The following ZNRF3 variants were observed in gnomAD, a reference collection of about 807,000 sequenced individuals.
ZNRF3 encodes E3 ubiquitin-protein ligase ZNRF3.
A neutral mutation model predicts 72.5 loss-of-function variants in ZNRF3; 23 were observed. The ratio of observed to expected loss-of-function variants is 0.32; its 90% CI spans 0.23 to 0.45. The LOEUF (loss-of-function observed/expected upper bound fraction) is 0.45. ZNRF3 is among the 20% of genes least tolerant of loss of function. The pLI, the probability that ZNRF3 is intolerant of heterozygous loss-of-function variation, is 1.00. For missense variants in ZNRF3, 1,169 were observed against 1,272.1 expected (o/e 0.92, Z 1.23); for synonymous variants, 610 against 545.3 (o/e 1.12, Z -1.65).
At chr22:29,031,701 C>G in intron 2 of ZNRF3, 1 of 934,046 alleles carries the variant, frequency 1.1e-6, no homozygotes, top group Non-Finnish European at 1.3e-6. Context: ...AGCCTGGGCT[C>G]TCTGGCCTGG....
intron 1 of ZNRF3, among the ~76,000 whole-genome samples, chr22:28,979,737 G>A (rs1360366112): frequency 1.3e-5 from 2 of 152,188 alleles, no homozygotes; most frequent in Non-Finnish European, 2.9e-5. Context: ...CATTTGTTCA[G>A]CCAGCAGTCA....
chr22:29,040,336 C>T (rs942747170), intron 2 of ZNRF3, among the ~76,000 whole-genome samples: 1 of 152,120 alleles, frequency 6.6e-6, no homozygotes, highest in Admixed American at 6.5e-5. Context: ...CATGCCACCA[C>T]ATCCAGCTGA....
intron 1 of ZNRF3, among the ~76,000 whole-genome samples, chr22:28,968,289 A>T (rs1482603744): frequency 6.6e-6 from 1 of 152,086 alleles, no homozygotes; most frequent in African/African-American, 2.4e-5. Flanking sequence ...GCATATATAC[A>T]TTATTCTTTT....
intron 8 of ZNRF3, among the ~76,000 whole-genome samples, chr22:29,052,820 T>TAA (rs780782329): frequency 7.5e-6 from 1 of 133,822 alleles, no homozygotes; most frequent in Non-Finnish European, 1.5e-5. Context: ...AAAAAAAAAT[T>TAA]TAAAAAAAAA....
At chr22:29,026,134 C>T (rs2036632621) in intron 2 of ZNRF3, 1 of 152,186 alleles carries the variant, frequency 6.6e-6, no homozygotes, top group Admixed American at 6.5e-5. Context: ...ATAGATTTGA[C>T]ACAGCCTTCA....
rs149924034 is a variant in ZNRF3, at chr22:28,916,187, G to A, written c.300+32121G>A. 6.7e-3 allele frequency among the ~76,000 whole-genome samples: 1,018 copies of A among 152,128 alleles called. 12 individuals are homozygous for A. The highest frequency in any genetic ancestry group is 0.024 in the African/African-American group (990 of 41,506). ...AGCAATTCTTCCACCTTAGCCTCCCGAGTAGCTGGGACTACAGGCAGGTGC... is the reference window on the plus strand; with the variant it reads ...AGCAATTCTTCCACCTTAGCCTCCCAAGTAGCTGGGACTACAGGCAGGTGC... On this transcript the variant is annotated intron_variant, in intron 1 of 8. Transcript: ENST00000544604.
At position 29,048,459 on chromosome 22, in the gene ZNRF3, A is replaced by G. The variant is rs2037115741; in HGVS notation, c.983A>G (p.His328Arg). ...KCVDPWLLQH[H>R]TCPHCRHNII... The stretch of plus-strand genomic sequence containing the variant: ...GTGGACCCCTGGCTGCTGCAGCACC[A>G]CACCTGCCCCCACTGTCGGCACAAC... Residue 328 changes from histidine to arginine, a missense_variant, in exon 7 of 9, where the codon CAC (histidine) becomes CGC (arginine). This residue lies in a region of ZNRF3 where 386 missense variants were observed against 540.7 expected (regional missense o/e 0.71). Coordinates refer to ENST00000544604, the MANE Select transcript of ZNRF3 (RefSeq NM_001206998.2). The surrounding 1 kb of genome is among the most constrained non-coding windows in gnomAD (Gnocchi z 4.9). 1 of 1,614,020 alleles carries G rather than the reference A, an allele frequency of 6.2e-7. No homozygotes were observed. The highest frequency in any genetic ancestry group is 1.7e-5 in the Admixed American group (1 of 59,994).
At chr22:28,895,572 C>A (rs1280474878) in intron 1 of ZNRF3, among the ~76,000 whole-genome samples, 1 of 152,080 alleles carries the variant, frequency 6.6e-6, no homozygotes, top group Non-Finnish European at 1.5e-5. Flanking sequence ...GAGGCTGAGG[C>A]AGGAGAATGG....
At position 29,050,299 on chromosome 22, in the gene ZNRF3, G is replaced by A. The variant is rs1569297828; in HGVS notation, c.2118G>A (p.Glu706=). The A allele has an allele frequency of 1.3e-6, 2 of 1,598,320 alleles. No individual in the cohort carries two copies. The highest frequency in any genetic ancestry group is 2.2e-5 in the East Asian group (1 of 44,782). The change falls in exon 8 of 9, where the codon GAG becomes GAA. Residue 706 remains glutamate (E), a synonymous_variant. Transcript: ENST00000544604. ...GGAGGACCTGGAAGGGGGGCCACGA[G>A]TTGCCGTCGTGTGCCTGCTGCTGCG... ...DLRRTWKGGH[E]LPSCACCCEP...
intron 1 of ZNRF3, among the ~76,000 whole-genome samples, chr22:28,896,242 C>A (rs530364636): frequency 1.3e-5 from 2 of 152,382 alleles, no homozygotes; most frequent in African/African-American, 4.8e-5. Context: ...TCAAGCGATT[C>A]TCCTGCCTCA....
chr22:28,922,235 A>G (rs1181567017), intron 1 of ZNRF3, among the ~76,000 whole-genome samples: 1 of 152,188 alleles, frequency 6.6e-6, no homozygotes, highest in African/African-American at 2.4e-5. Flanking sequence ...CTTTACTTTA[A>G]ATCGGGTTAC....
intron 2 of ZNRF3, among the ~76,000 whole-genome samples, chr22:29,010,200 C>T (rs548082385): frequency 1.1e-4 from 16 of 152,106 alleles, no homozygotes; most frequent in African/African-American, 2.4e-4. Flanking sequence ...TGAGCCACCG[C>T]ACCCAGCCCC....
chr22:29,021,804 T>A (rs66905312), intron 2 of ZNRF3, among the ~76,000 whole-genome samples: 1 of 152,020 alleles, frequency 6.6e-6, no homozygotes, highest in African/African-American at 2.4e-5. Context: ...TAATCTTTAT[T>A]GAAGTATAAT....
At chr22:29,009,398 A>G (rs1366783445) in intron 2 of ZNRF3, among the ~76,000 whole-genome samples, 2 of 152,184 alleles carry the variant, frequency 1.3e-5, no homozygotes, top group Non-Finnish European at 2.9e-5. Context: ...CAGGGAGTGC[A>G]TCAAGAGGCA....
chr22:29,042,447 A>G (rs774494904), intron 2 of ZNRF3, 48 bp from the exon 3 acceptor site: 8 of 1,568,284 alleles, frequency 5.1e-6, no homozygotes, highest in South Asian at 2.3e-5. Context: ...AACTTTGAAA[A>G]GGTAAGAGGA....
chr22:28,937,169 CTTATAATATATATATAT>C (rs1340048632), intron 1 of ZNRF3, among the ~76,000 whole-genome samples: 3 of 128,600 alleles, frequency 2.3e-5, no homozygotes, highest in African/African-American at 1.1e-4. Flanking sequence ...CTACTTCTCT[CTTATAATATATATATAT>C]ATATATATAT....
intron 1 of ZNRF3, among the ~76,000 whole-genome samples, chr22:28,961,244 C>T (rs2035352770): frequency 6.6e-6 from 1 of 152,146 alleles, no homozygotes; most frequent in Non-Finnish European, 1.5e-5. Flanking sequence ...CTCCCAAGGC[C>T]CCCCACCTCT....
intron 1 of ZNRF3, among the ~76,000 whole-genome samples, chr22:28,893,395 A>T (rs77331081): frequency 0.014 from 2,079 of 152,286 alleles, 18 homozygotes; most frequent in Non-Finnish European, 0.022. Context: ...GTGCTTTTCA[A>T]ATGTTATTTT....
chr22:28,989,283 G>A (rs911246150), intron 2 of ZNRF3, among the ~76,000 whole-genome samples: 2 of 152,150 alleles, frequency 1.3e-5, no homozygotes, highest in African/African-American at 4.8e-5. Flanking sequence ...TTGGGCCAAA[G>A]AAAGACAGTT....
Sources: allele counts gnomAD v4.1 joint callset (sites outside exome capture counted in the v4.1 genomes callset), GRCh38; gene constraint gnomAD v4.1.1; regional missense constraint gnomAD v4.1.1; non-coding constraint Gnocchi (gnomAD v3.1); transcripts MANE v1.5; gene names NCBI Gene and HGNC (gene_info 2026-07-23, HGNC 2026-07-21).